L2HGDH: variants seen among roughly 807,000 people sequenced by gnomAD.
L2HGDH encodes L-2-hydroxyglutarate dehydrogenase, also known as L-2-hydroxyglutarate dehydrogenase, mitochondrial.
L2HGDH carries 34 observed loss-of-function variants against 51.5 expected under a neutral mutation model. That is an observed-to-expected ratio of 0.66 (90% CI 0.50 to 0.88). The LOEUF (loss-of-function observed/expected upper bound fraction) is 0.88. Ranked by LOEUF, L2HGDH falls within the 40% of genes least tolerant of loss-of-function variation. L2HGDH has a pLI of 0.00. For synonymous variants in L2HGDH, 198 were observed against 197.9 expected (o/e 1.00, Z -0.01); for missense variants, 558 against 571.9 (o/e 0.98, Z 0.25).
At chr14:50,299,564 A>C (rs993552617) in intron 3 of L2HGDH, among the ~76,000 whole-genome samples, 17 of 152,234 alleles carry the variant, frequency 1.1e-4, no homozygotes, top group African/African-American at 3.6e-4. Context: ...CACTATACAA[A>C]AATCCTTAAC....
intron 9 of L2HGDH, among the ~76,000 whole-genome samples, chr14:50,249,364 C>T (rs1422733724): frequency 6.6e-6 from 1 of 152,182 alleles, no homozygotes; most frequent in Non-Finnish European, 1.5e-5. Flanking sequence ...ATCCATCCCC[C>T]AAACAAAGGC....
In L2HGDH at chr14:50,245,266, A is replaced by G. The variant is rs1887944836; in HGVS notation, c.*1792T>C. The stretch of plus-strand genomic sequence containing the variant: ...CTTAGTGTGACTAAAGATCAGAGAT[A>G]TAATAGATAAATAACTTTTTTAAAT... On this transcript the variant is annotated 3_prime_UTR_variant, in exon 10 of 10. Coordinates refer to ENST00000267436, the MANE Select transcript of L2HGDH (RefSeq NM_024884.3). 1 of 984,922 alleles carries G rather than the reference A, an allele frequency of 1.0e-6. No individual in the cohort carries two copies. The highest frequency in any genetic ancestry group is 1.2e-6 in the Non-Finnish European group (1 of 829,568). 61.0% of individuals were successfully genotyped at this position (984,922 alleles called of 1,614,324 possible).
At chr14:50,300,181 T>C (rs1566537783) in intron 3 of L2HGDH, among the ~76,000 whole-genome samples, 1 of 152,134 alleles carries the variant, frequency 6.6e-6, no homozygotes, top group Non-Finnish European at 1.5e-5. Flanking sequence ...TAGTTAATAA[T>C]GTATTATATT....
intron 9 of L2HGDH, 37 bp downstream of exon 9, chr14:50,265,321 C>G (rs1566510757): frequency 6.4e-7 from 1 of 1,572,820 alleles, no homozygotes; most frequent in Non-Finnish European, 8.7e-7. Context: ...TCACATAGGT[C>G]AGGACTGTAT....
chr14:50,269,498 A>G (rs1378517652), intron 6 of L2HGDH, among the ~76,000 whole-genome samples, 168 bp from the exon 7 acceptor site: 2 of 152,224 alleles, frequency 1.3e-5, no homozygotes, highest in African/African-American at 2.4e-5. Flanking sequence ...TTTAGGTGGC[A>G]GCTAGAAACT....
chr14:50,308,029 A>G (rs1276393256), intron 1 of L2HGDH, among the ~76,000 whole-genome samples: 2 of 152,236 alleles, frequency 1.3e-5, no homozygotes, highest in African/African-American at 4.8e-5. Context: ...GAAATTGGAA[A>G]AAAATACTAG....
intron 9 of L2HGDH, among the ~76,000 whole-genome samples, chr14:50,247,898 T>C (rs962536029): frequency 3.3e-5 from 5 of 152,144 alleles, no homozygotes; most frequent in African/African-American, 1.2e-4. Context: ...GAGAGTCTTT[T>C]TTTTTTTAAT....
chr14:50,252,445 T>G (rs146328830), intron 9 of L2HGDH, among the ~76,000 whole-genome samples: 1 of 152,024 alleles, frequency 6.6e-6, no homozygotes, highest in East Asian at 1.9e-4. Context: ...ACACTGAATG[T>G]AAATAGACTA....
intron 4 of L2HGDH, among the ~76,000 whole-genome samples, chr14:50,290,413 A>C (rs9888567): frequency 0.58 from 88,733 of 152,060 alleles, 25,948 homozygotes; most frequent in East Asian, 0.66. Flanking sequence ...ATTTGATTAA[A>C]TTTCCTAAAT....
chr14:50,258,378 G>A (rs1163042141), intron 9 of L2HGDH, among the ~76,000 whole-genome samples: 1 of 151,972 alleles, frequency 6.6e-6, no homozygotes, highest in Non-Finnish European at 1.5e-5. Flanking sequence ...ACTACACCCA[G>A]CTAATTGTTT....
At chr14:50,298,415 T>C (rs2030206039) in intron 3 of L2HGDH, among the ~76,000 whole-genome samples, 1 of 151,766 alleles carries the variant, frequency 6.6e-6, no homozygotes, top group Non-Finnish European at 1.5e-5. Flanking sequence ...TCCCAGGTTC[T>C]AGCAACTAAC....
At position 50,287,100 on chromosome 14, in the gene L2HGDH, C is replaced by T. The variant is rs115313890; in HGVS notation, c.541-3067G>A. The T allele has an allele frequency of 6.1e-6, 5 of 817,150 alleles. No individual in the cohort carries two copies. The African/African-American group carries it at 9.3e-5, about 15-fold the overall frequency. The allele number at this position is 817,150 out of a possible 1,614,324, so 50.6% of individuals were successfully genotyped here. On this transcript the variant is annotated intron_variant, in intron 4 of 9. Transcript: ENST00000267436. ...TGACCCTGGGAAAGTAAAGTTTCTT[C>T]ATTTATAAGACACAAAAATATGTGT...
chr14:50,310,170 T>C (rs535169399), intron 1 of L2HGDH, among the ~76,000 whole-genome samples: 47 of 152,294 alleles, frequency 3.1e-4, no homozygotes, highest in African/African-American at 1.1e-3. Context: ...TATAGTTATA[T>C]AAGATGTTTT....
At chr14:50,248,614 G>T (rs1888147116) in intron 9 of L2HGDH, among the ~76,000 whole-genome samples, 1 of 152,188 alleles carries the variant, frequency 6.6e-6, no homozygotes, top group African/African-American at 2.4e-5. Context: ...AATTATAACA[G>T]TAAGAGTGAA....
chr14:50,255,537 CAA>C (rs371804551), intron 9 of L2HGDH, among the ~76,000 whole-genome samples: 2 of 114,818 alleles, frequency 1.7e-5, no homozygotes, highest in Admixed American at 9.7e-5. Context: ...ACTCCATCTC[CAA>C]AAAAAAAAAA....
chr14:50,286,089 C>A (rs984506689), intron 4 of L2HGDH, among the ~76,000 whole-genome samples: 1 of 152,120 alleles, frequency 6.6e-6, no homozygotes, highest in Non-Finnish European at 1.5e-5. Flanking sequence ...GTCAGCAGGT[C>A]AGAGACTGAA....
chr14:50,247,476 C>T (rs737077), intron 9 of L2HGDH, among the ~76,000 whole-genome samples: 48,557 of 151,972 alleles, frequency 0.32, 8,059 homozygotes, highest in Admixed American at 0.43. Flanking sequence ...GTGTAACAAA[C>T]GCTTATCAAA....
intron 1 of L2HGDH, among the ~76,000 whole-genome samples, chr14:50,304,565 G>A (rs1281683293): frequency 1.3e-5 from 2 of 152,226 alleles, no homozygotes; most frequent in African/African-American, 4.8e-5. Context: ...GCCGGGCGTG[G>A]TGGCTCACGC....
intron 4 of L2HGDH, 23 bp downstream of exon 4, chr14:50,294,092 A>C (rs955475511): frequency 1.2e-6 from 2 of 1,612,980 alleles, no homozygotes; most frequent in African/African-American, 1.3e-5. Context: ...CTAAATAAAA[A>C]CATCCCTTTG....
Sources: gnomAD v4.1 joint callset for allele counts (sites outside exome capture counted in the v4.1 genomes callset) on GRCh38, gnomAD v4.1.1 for gene constraint, MANE v1.5 for transcripts, NCBI Gene and HGNC (gene_info 2026-07-23, HGNC 2026-07-21) for gene names.